Variants in INSYN1 observed in about 807,000 individuals in gnomAD.
INSYN1 encodes the protein inhibitory synaptic factor 1.
Under a neutral mutation model 17.1 loss-of-function variants are expected in INSYN1, and 7 were observed. That is an observed-to-expected ratio of 0.41 (90% CI 0.23 to 0.77). INSYN1 has a LOEUF of 0.77. INSYN1 is among the 30% of genes least tolerant of loss of function. The pLI is 0.32. For synonymous variants in INSYN1, 174 were observed against 166.3 expected, an observed-to-expected ratio of 1.05 and a Z score of -0.36; for missense variants, 339 against 400.6, an observed-to-expected ratio of 0.85 and a Z score of 1.31.
intron 2 of INSYN1, among the ~76,000 whole-genome samples, chr15:73,743,075 G>C (rs1316511956): frequency 6.6e-6 from 1 of 152,208 alleles, no homozygotes; most frequent in Non-Finnish European, 1.5e-5. Flanking sequence ...AGACTCCCCT[G>C]ATCAAGCCAG....
chr15:73,739,891 ACCGCCCC>A lies in INSYN1; in HGVS notation c.*19_*25del. 1 of 928,574 alleles carries A rather than the reference ACCGCCCC, an allele frequency of 1.1e-6. No homozygotes were observed. The highest frequency in any genetic ancestry group is 1.7e-6 in the Non-Finnish European group (1 of 602,460). The allele number at this position is 928,574 out of a possible 1,614,324, so 57.5% of individuals were successfully genotyped here. A position where few individuals can be genotyped will look rare whatever the true frequency, so the allele number is the denominator to read the frequency against. On this transcript the variant is annotated 3_prime_UTR_variant, in exon 3 of 3. Transcript: ENST00000569673. ...TATTTATTTATAGCTCTATGTGCCC[ACCGCCCC>A]CGGCCCCCTCCCCGGCCCCTAGTTT...
chr15:73,751,368 G>T lies in INSYN1; in HGVS notation c.-238C>A. The stretch of plus-strand genomic sequence containing the variant: ...AGAGTCTAGCAGAGGGGGTCAAGGT[G>T]AGGACACAGGAGAGGAGGGGGAGGG... On this transcript the variant is annotated 5_prime_UTR_variant, in exon 2 of 3. Coordinates refer to ENST00000569673, the MANE Select transcript of INSYN1 (RefSeq NM_001039614.3). 3.7e-6 allele frequency: 2 copies of T among 541,352 alleles called. No homozygotes were observed. Among genetic ancestry groups the T allele is most frequent in the Non-Finnish European group, 6.7e-6 (2 of 300,300 alleles). The allele number at this position is 541,352 out of a possible 1,614,324, so 33.5% of individuals were successfully genotyped here.
chr15:73,750,663 AAG>A (rs1901952817), intron 2 of INSYN1, among the ~76,000 whole-genome samples: 1 of 152,128 alleles, frequency 6.6e-6, no homozygotes. Flanking sequence ...GTCTTCCACT[AAG>A]AAGCTGTGGC....
At chr15:73,750,496 A>G (rs1901949782) in intron 2 of INSYN1, among the ~76,000 whole-genome samples, 1 of 152,192 alleles carries the variant, frequency 6.6e-6, no homozygotes, top group Non-Finnish European at 1.5e-5. Context: ...GGTTCTCAGT[A>G]TCTGTGTGAT....
chr15:73,743,399 C>T (rs1433520995), intron 2 of INSYN1, among the ~76,000 whole-genome samples: 1 of 152,158 alleles, frequency 6.6e-6, no homozygotes, highest in Non-Finnish European at 1.5e-5. Flanking sequence ...GGCCTGCATT[C>T]CCGAGTCCCA....
chr15:73,750,017 A>G (rs1244864906), intron 2 of INSYN1, among the ~76,000 whole-genome samples: 1 of 152,172 alleles, frequency 6.6e-6, no homozygotes, highest in Non-Finnish European at 1.5e-5. Flanking sequence ...GGAGAGCTTG[A>G]GCCCATAACT....
chr15:73,749,329 T>C (rs756383589), intron 2 of INSYN1, among the ~76,000 whole-genome samples: 10 of 152,126 alleles, frequency 6.6e-5, no homozygotes, highest in Admixed American at 1.3e-4. Flanking sequence ...GTTTCTTCAA[T>C]AGTAAATGGA....
At position 73,736,035 on chromosome 15, in the gene INSYN1, G is replaced by A. The variant is rs1901519231; in HGVS notation, c.*3882C>T. Reference sequence around the variant, plus strand: ...CTGTGCACACAGTAGGTGGTCAGTGGAATAGGACTTCCCGGAAGCAGAGAG... The same window carrying A: ...CTGTGCACACAGTAGGTGGTCAGTGAAATAGGACTTCCCGGAAGCAGAGAG... On this transcript the variant is annotated 3_prime_UTR_variant, in exon 3 of 3. Transcript: ENST00000569673. 6.6e-6 allele frequency: 1 copy of A among 152,256 alleles called. No individual in the cohort carries two copies. Among genetic ancestry groups the A allele is most frequent in the South Asian group, 2.1e-4 (1 of 4,824 alleles). 9.4% of individuals were successfully genotyped at this position (152,256 alleles called of 1,614,324 possible).
rs1456869521 is a variant in INSYN1, at chr15:73,753,255, C to T, written c.-1713G>A. 4.1e-5 allele frequency among the ~76,000 whole-genome samples: 6 copies of T among 147,046 alleles called. No homozygotes were observed. The highest frequency in any genetic ancestry group is 2.1e-4 in the South Asian group (1 of 4,794). ...GGCCGCCCCCGGCCCGCCCCGCCGC[C>T]CCCCGCCGGACTGGCCGCCCGGGCG... On this transcript the variant is annotated 5_prime_UTR_variant, in exon 1 of 3. Coordinates refer to ENST00000569673, the MANE Select transcript of INSYN1 (RefSeq NM_001039614.3). The surrounding 1 kb of genome is among the most constrained non-coding windows in gnomAD (Gnocchi z 4.2).
chr15:73,740,645 G>T lies in INSYN1; in HGVS notation c.157-3C>A. 6.2e-7 allele frequency: 1 copy of T among 1,602,290 alleles called. No individual in the cohort carries two copies. The highest frequency in any genetic ancestry group is 1.1e-5 in the South Asian group (1 of 88,958). Reference sequence around the variant, plus strand: ...AGCTTATCGATCTGGCTCACCACCTGACCAGGGAAGGGGAGAGGAGATGAG... The same window carrying T: ...AGCTTATCGATCTGGCTCACCACCTTACCAGGGAAGGGGAGAGGAGATGAG... On this transcript the variant is annotated splice_region_variant and splice_polypyrimidine_tract_variant and intron_variant, in intron 2 of 2. Transcript: ENST00000569673.
At chr15:73,745,071 C>A (rs555850396) in intron 2 of INSYN1, among the ~76,000 whole-genome samples, 2 of 152,112 alleles carry the variant, frequency 1.3e-5, no homozygotes, top group African/African-American at 4.8e-5. Flanking sequence ...ACAGCCTTAG[C>A]GCCCCTCGCT....
chr15:73,736,620 G>C lies in INSYN1; in HGVS notation c.*3297C>G, dbSNP rs1901534951. 2 of 152,092 alleles carry C rather than the reference G, an allele frequency of 1.3e-5. No individual in the cohort carries two copies. Among genetic ancestry groups the C allele is most frequent in the Admixed American group, 1.3e-4 (2 of 15,256 alleles). The allele number at this position is 152,092 out of a possible 1,614,324, so 9.4% of individuals were successfully genotyped here. Reference sequence around the variant, plus strand: ...AAACAAAACAAAAAAAAATTGGCCAGGCGTAGTGGCCCACGCCTGTAATCC... The same window carrying C: ...AAACAAAACAAAAAAAAATTGGCCACGCGTAGTGGCCCACGCCTGTAATCC... On this transcript the variant is annotated 3_prime_UTR_variant, in exon 3 of 3. Transcript: ENST00000569673.
chr15:73,750,157 G>A (rs572833600), intron 2 of INSYN1, among the ~76,000 whole-genome samples: 1 of 152,198 alleles, frequency 6.6e-6, no homozygotes, highest in African/African-American at 2.4e-5. Flanking sequence ...TCAGAACGCT[G>A]GTCATGCATT....
chr15:73,743,765 G>A (rs1384891215), intron 2 of INSYN1, among the ~76,000 whole-genome samples: 2 of 135,136 alleles, frequency 1.5e-5, no homozygotes, highest in Non-Finnish European at 3.1e-5. Context: ...AGGAGGCGGA[G>A]ATTGCAGTGA....
In INSYN1 at chr15:73,753,209, G is replaced by GCGCCGCGC. The variant is rs1297089217; in HGVS notation, c.-1675_-1668dup. On this transcript the variant is annotated 5_prime_UTR_variant, in exon 1 of 3. Transcript: ENST00000569673. This position sits in a 1 kb window ranked among gnomAD's most constrained non-coding sequence, Gnocchi z 4.2. ...CTGGGCCCGCTCCCCAAGCGCCGCG[G>GCGCCGCGC]CGCCGCGCCGCCCGCGCCCCGGCCG... Among the ~76,000 whole-genome samples the GCGCCGCGC allele has an allele frequency of 6.9e-6, 1 of 144,928 alleles. No homozygotes were observed. Among genetic ancestry groups the GCGCCGCGC allele is most frequent in the African/African-American group, 2.5e-5 (1 of 40,544 alleles).
Position 73,752,978 on chromosome 15 carries a change from G to T in INSYN1, c.-1436C>A, listed in dbSNP as rs1411469235. On this transcript the variant is annotated 5_prime_UTR_variant, in exon 1 of 3. Coordinates refer to ENST00000569673, the MANE Select transcript of INSYN1 (RefSeq NM_001039614.3). The surrounding 1 kb of genome is among the most constrained non-coding windows in gnomAD (Gnocchi z 5.2). ...GCGGCGAGGGGAAGGGAGGGGAGGG[G>T]GCGAGCGGCGGGCCGGGCCGGGCCG... 6.7e-6 allele frequency among the ~76,000 whole-genome samples: 1 copy of T among 150,262 alleles called. No individual in the cohort carries two copies. The highest frequency in any genetic ancestry group is 1.5e-5 in the Non-Finnish European group (1 of 67,318).
chr15:73,739,532 T>A lies in INSYN1; in HGVS notation c.*385A>T, dbSNP rs966724746. 6.6e-6 allele frequency: 1 copy of A among 152,410 alleles called. No individual in the cohort carries two copies. The highest frequency in any genetic ancestry group is 6.5e-5 in the Admixed American group (1 of 15,272). The allele number at this position is 152,410 out of a possible 1,614,324, so 9.4% of individuals were successfully genotyped here. On this transcript the variant is annotated 3_prime_UTR_variant, in exon 3 of 3. Transcript: ENST00000569673. ...CCTGGCCTAAAGGGACACCACTCCC[T>A]TTAGAGCCCGCCTCCTGCAGGGGAG...
At chr15:73,744,173 C>CA (rs1901765159) in intron 2 of INSYN1, among the ~76,000 whole-genome samples, 1 of 152,192 alleles carries the variant, frequency 6.6e-6, no homozygotes. Flanking sequence ...CATGCCCCCG[C>CA]ACCAGGCCTA....
chr15:73,738,243 A>G lies in INSYN1; in HGVS notation c.*1674T>C, dbSNP rs1901584000. ...AGGAGGTAGATAGGCTCAGAGAGGC[A>G]AACGGACTTGCCAAGGTCACACAGC... On this transcript the variant is annotated 3_prime_UTR_variant, in exon 3 of 3. Transcript: ENST00000569673. 1 of 152,320 alleles carries G rather than the reference A, an allele frequency of 6.6e-6. No homozygotes were observed. Among genetic ancestry groups the G allele is most frequent in the Non-Finnish European group, 1.5e-5 (1 of 68,094 alleles). The allele number at this position is 152,320 out of a possible 1,614,324, so 9.4% of individuals were successfully genotyped here.
Sources: allele counts gnomAD v4.1 joint callset (sites outside exome capture counted in the v4.1 genomes callset), GRCh38; gene constraint gnomAD v4.1.1; non-coding constraint Gnocchi (gnomAD v3.1); transcripts MANE v1.5; gene names NCBI Gene and HGNC (gene_info 2026-07-23, HGNC 2026-07-21).